Variants in CASK observed in about 807,000 individuals in gnomAD.
CASK encodes peripheral plasma membrane protein CASK.
A neutral mutation model predicts 82.9 loss-of-function variants in CASK; 4 were observed. That is an observed-to-expected ratio of 0.05 (90% CI 0.02 to 0.11). The LOEUF (loss-of-function observed/expected upper bound fraction) is 0.11, where lower values mean the gene tolerates loss of function less well. Among genes scored for constraint, CASK ranks in the 10% least tolerant of loss-of-function variants. The pLI is 1.00. For synonymous variants in CASK, 259 were observed against 253.5 expected, an observed-to-expected ratio of 1.02 and a Z score of -0.20; for missense variants, 358 against 720.9, an observed-to-expected ratio of 0.50 and a Z score of 5.76.
chrX:41,810,591 A>G (rs1160084842), intron 2 of CASK, among the ~76,000 whole-genome samples: 2 of 111,477 alleles, frequency 1.8e-5, no homozygotes, highest in Non-Finnish European at 3.8e-5. Flanking sequence ...GAAGCACTAA[A>G]TATAGAAAGG....
chrX:41,688,233 A>G (rs2067478599), intron 5 of CASK, among the ~76,000 whole-genome samples: 1 of 111,653 alleles, frequency 9.0e-6, no homozygotes, highest in African/African-American at 3.3e-5. Flanking sequence ...AATAATTAGA[A>G]TGTTAGATAC....
rs147242360 is a variant in CASK, at chrX:41,803,838, A to G, written c.173-16555T>C. On this transcript the variant is annotated intron_variant, in intron 2 of 26. Coordinates refer to ENST00000378163, the MANE Select transcript of CASK (RefSeq NM_001367721.1). Reference sequence around the variant, plus strand: ...TGATATCTGAAACTATGAAATCAAGAAATAGTAATATATGTTGCTGGTTAC... The same window carrying G: ...TGATATCTGAAACTATGAAATCAAGGAATAGTAATATATGTTGCTGGTTAC... 7.6e-3 allele frequency among the ~76,000 whole-genome samples: 828 copies of G among 109,403 alleles called. 9 individuals are homozygous for G. Among genetic ancestry groups the G allele is most frequent in the Middle Eastern group, 0.019 (4 of 208 alleles).
intron 2 of CASK, among the ~76,000 whole-genome samples, chrX:41,791,959 T>C (rs1185527171): frequency 9.0e-6 from 1 of 111,424 alleles, no homozygotes; most frequent in East Asian, 2.8e-4. Context: ...GTAATACAGG[T>C]AGCAATATTT....
At chrX:41,592,790 A>G (rs779145455) in intron 12 of CASK, among the ~76,000 whole-genome samples, 1 of 111,977 alleles carries the variant, frequency 8.9e-6, no homozygotes, top group Non-Finnish European at 1.9e-5. Context: ...TAAGCTCTTA[A>G]CATATACTCA....
intron 1 of CASK, among the ~76,000 whole-genome samples, chrX:41,903,583 A>C (rs2072420542): frequency 9.0e-6 from 1 of 111,688 alleles, no homozygotes; most frequent in Non-Finnish European, 1.9e-5. Context: ...CATGTTGAGG[A>C]CTCCTAGTAG....
intron 5 of CASK, among the ~76,000 whole-genome samples, chrX:41,701,603 C>T (rs1326287137): frequency 8.9e-6 from 1 of 112,152 alleles, no homozygotes; most frequent in Non-Finnish European, 1.9e-5. Flanking sequence ...GCTACATGGC[C>T]CAGCTGAGTG....
chrX:41,832,569 T>TC (rs2070845130), intron 2 of CASK, among the ~76,000 whole-genome samples: 1 of 112,611 alleles, frequency 8.9e-6, no homozygotes, highest in African/African-American at 3.2e-5. Flanking sequence ...CAGTCGATCT[T>TC]CATTATTTGC....
chrX:41,601,126 T>C (rs1053582334), intron 12 of CASK, among the ~76,000 whole-genome samples: 1 of 111,359 alleles, frequency 9.0e-6, no homozygotes, highest in African/African-American at 3.3e-5. Flanking sequence ...CAGTATTTAA[T>C]GGGTACAGAC....
chrX:41,634,621 T>C (rs2066524278), intron 9 of CASK, among the ~76,000 whole-genome samples: 1 of 112,313 alleles, frequency 8.9e-6, no homozygotes, highest in Admixed American at 9.5e-5. Context: ...AATGTTTGTA[T>C]TTGGGCAATG....
intron 11 of CASK, among the ~76,000 whole-genome samples, chrX:41,616,285 C>T (rs1298697478): frequency 8.9e-6 from 1 of 111,818 alleles, no homozygotes; most frequent in Non-Finnish European, 1.9e-5. Context: ...AACAGCAGCT[C>T]CCAATTCTTG....
At chrX:41,811,086 T>A (rs2070274251) in intron 2 of CASK, among the ~76,000 whole-genome samples, 1 of 111,198 alleles carries the variant, frequency 9.0e-6, no homozygotes. Context: ...ATAAAGCAAG[T>A]CCTTAGAGAC....
At chrX:41,769,996 T>C (rs1303495936) in intron 3 of CASK, among the ~76,000 whole-genome samples, 1 of 110,650 alleles carries the variant, frequency 9.0e-6, no homozygotes, top group East Asian at 2.8e-4. Flanking sequence ...GAAAGCATCA[T>C]CTTAGGCCAA....
chrX:41,807,683 G>A lies in CASK; in HGVS notation c.173-20400C>T, dbSNP rs150351923. Reference sequence around the variant, plus strand: ...ATGGCATGAGCATCTGGTAAGGTTCGTCCCATTGCAGAAGGGCAACCAAGC... The same window carrying A: ...ATGGCATGAGCATCTGGTAAGGTTCATCCCATTGCAGAAGGGCAACCAAGC... On this transcript the variant is annotated intron_variant, in intron 2 of 26. Transcript: ENST00000378163. Among the ~76,000 whole-genome samples the A allele has an allele frequency of 2.6e-3, 285 of 110,667 alleles. 6 individuals are homozygous for A. In the East Asian group the frequency reaches 0.072, roughly 28 times the overall value.
intron 1 of CASK, chrX:41,919,438 C>T (rs1279555500): frequency 8.9e-6 from 1 of 112,212 alleles, no homozygotes; most frequent in African/African-American, 3.2e-5. Flanking sequence ...CTTTCATACA[C>T]ACTGCTGTAC....
intron 1 of CASK, among the ~76,000 whole-genome samples, chrX:41,862,767 T>C (rs1347954917): frequency 1.8e-5 from 2 of 110,729 alleles, no homozygotes; most frequent in Admixed American, 9.6e-5. Flanking sequence ...GAGAGATACT[T>C]AAGAAAATAA....
At chrX:41,843,245 T>C (rs1019211040) in intron 2 of CASK, among the ~76,000 whole-genome samples, 14 of 112,193 alleles carry the variant, frequency 1.2e-4, no homozygotes, top group African/African-American at 3.9e-4. Context: ...TTATTCCTGA[T>C]CTTCGGAGGA....
At chrX:41,602,307 C>T (rs185404105) in intron 12 of CASK, among the ~76,000 whole-genome samples, 14 of 111,626 alleles carry the variant, frequency 1.3e-4, no homozygotes, top group Middle Eastern at 4.7e-3. Context: ...TTTCAGTATA[C>T]AAATCCTACA....
At chrX:41,875,019 T>A (rs909254762) in intron 1 of CASK, among the ~76,000 whole-genome samples, 12 of 112,553 alleles carry the variant, frequency 1.1e-4, no homozygotes. Context: ...TGTTTATCAA[T>A]CTTAATAAAA....
intron 1 of CASK, among the ~76,000 whole-genome samples, chrX:41,886,116 A>G (rs917951876): frequency 3.6e-5 from 4 of 111,939 alleles, no homozygotes; most frequent in Non-Finnish European, 7.5e-5. Context: ...TGAATAACAT[A>G]GGACCCCCAA....
Sources: gnomAD v4.1 joint callset for allele counts (sites outside exome capture counted in the v4.1 genomes callset) on GRCh38, gnomAD v4.1.1 for gene constraint, MANE v1.5 for transcripts, NCBI Gene and HGNC (gene_info 2026-07-23, HGNC 2026-07-21) for gene names.